The following PRKCB variants were observed in gnomAD, a reference collection of about 807,000 sequenced individuals.
PRKCB encodes the protein protein kinase C beta.
Under a neutral mutation model 81.5 loss-of-function variants are expected in PRKCB, and 13 were observed. That is an observed-to-expected ratio of 0.16 (90% confidence interval 0.10 to 0.25). The LOEUF (loss-of-function observed/expected upper bound fraction) is 0.25, where lower values mean the gene tolerates loss of function less well. Among genes scored for constraint, PRKCB ranks in the 10% least tolerant of loss-of-function variants. The pLI is 1.00. For missense variants in PRKCB, 509 were observed against 875.7 expected, an observed-to-expected ratio of 0.58 and a Z score of 5.29; for synonymous variants, 335 against 321.4, an observed-to-expected ratio of 1.04 and a Z score of -0.45.
intron 2 of PRKCB, among the ~76,000 whole-genome samples, chr16:23,930,582 A>G (rs974514037): frequency 7.2e-5 from 11 of 151,900 alleles, no homozygotes; most frequent in African/African-American, 2.2e-4. Flanking sequence ...AAAAATATGA[A>G]GTTGCTCTTT....
At chr16:24,000,344 T>C (rs1418601743) in intron 3 of PRKCB, among the ~76,000 whole-genome samples, 3 of 152,226 alleles carry the variant, frequency 2.0e-5, no homozygotes, top group Non-Finnish European at 4.4e-5. Context: ...GCCAGTGGAC[T>C]TAACCACCTC....
intron 3 of PRKCB, among the ~76,000 whole-genome samples, chr16:24,013,159 C>T (rs1965227556): frequency 6.6e-6 from 1 of 152,204 alleles, no homozygotes. Flanking sequence ...TTCCTGACCT[C>T]CCTGACCAGG....
rs748558233 is a variant in PRKCB, at chr16:23,930,349, A to T, written c.206-58159A>T. The stretch of plus-strand genomic sequence containing the variant: ...TTTGGGAGGCCAAGGTGGGCAGATC[A>T]CTTGAGCCCAGGAGTTCGAAACCAG... On this transcript the variant is annotated intron_variant, in intron 2 of 16. Transcript: ENST00000643927. Among the ~76,000 whole-genome samples, 5 of 152,054 alleles carry T rather than the reference A, an allele frequency of 3.3e-5. 1 individual carries two copies. The highest frequency in any genetic ancestry group is 7.4e-5 in the Non-Finnish European group (5 of 67,970).
chr16:24,035,533 T>G lies in PRKCB; in HGVS notation c.515T>G (p.Val172Gly). 1 of 1,612,362 alleles carries G rather than the reference T, an allele frequency of 6.2e-7. No homozygotes were observed. Among genetic ancestry groups the G allele is most frequent in the Non-Finnish European group, 8.5e-7 (1 of 1,179,296 alleles). The change falls in exon 5 of 17, where the codon GTC becomes GGC. Residue 172 changes from valine to glycine, a missense_variant. Val to Gly is a moderately radical substitution (Grantham distance 109). This residue lies in a region of PRKCB where 184 missense variants were observed against 362.9 expected (regional missense o/e 0.51). Transcript: ENST00000643927. ...ATCCAGGCCCACATCGACAGGGACG[T>G]CCTCATTGTCCTCGGTAGGTGGCCC... Reference protein sequence around the residue: ...IYIQAHIDRDVLIVLVRDAKN... With the variant: ...IYIQAHIDRDGLIVLVRDAKN...
In PRKCB at chr16:24,180,925, C is replaced by T. The variant is rs367690547; in HGVS notation, c.1530C>T (p.Pro510=). ...GTGGCACTCCAGACTACATCGCCCCCGAGGTGAGAGCTGCTGGGCACACGT... is the reference window on the plus strand; with the variant it reads ...GTGGCACTCCAGACTACATCGCCCCTGAGGTGAGAGCTGCTGGGCACACGT... The part of the protein sequence containing the change: ...TFCGTPDYIA[P]EIIAYQPYGK... The change falls in exon 13 of 17, where the codon CCC becomes CCT. Residue 510 remains proline, a synonymous_variant. Transcript: ENST00000643927. 1.9e-5 allele frequency: 30 copies of T among 1,613,736 alleles called. No homozygotes were observed. Among genetic ancestry groups the T allele is most frequent in the Admixed American group, 5.0e-5 (3 of 59,978 alleles).
At chr16:24,082,349 G>A (rs1259920054) in intron 5 of PRKCB, among the ~76,000 whole-genome samples, 2 of 152,110 alleles carry the variant, frequency 1.3e-5, no homozygotes, top group African/African-American at 2.4e-5. Flanking sequence ...TTGTATGTTT[G>A]GACACAGTGA....
chr16:24,189,596 C>A (rs1465394855), intron 15 of PRKCB, among the ~76,000 whole-genome samples: 2 of 146,656 alleles, frequency 1.4e-5, no homozygotes, highest in Non-Finnish European at 3.0e-5. Context: ...GACCCGAGAT[C>A]GCGCCTCTGC....
rs544188199 is a variant in PRKCB at position 23,893,901 on chromosome 16, A to T, written c.205+56495A>T. 4 of 152,370 alleles carry T rather than the reference A, an allele frequency of 2.6e-5. No individual in the cohort carries two copies. In the South Asian group the frequency reaches 8.3e-4, roughly 32 times the overall value. 9.4% of individuals were successfully genotyped at this position (152,370 alleles called of 1,614,324 possible). On this transcript the variant is annotated intron_variant, in intron 2 of 16. Coordinates refer to ENST00000643927, the MANE Select transcript of PRKCB (RefSeq NM_002738.7). ...TGGAAAGCTATTTCTGAATACTCCTAAGGATAAGTTCATGTATTAGTTAGG... is the reference window on the plus strand; with the variant it reads ...TGGAAAGCTATTTCTGAATACTCCTTAGGATAAGTTCATGTATTAGTTAGG...
At chr16:24,161,308 G>A (rs58106696) in intron 10 of PRKCB, among the ~76,000 whole-genome samples, 4,704 of 152,060 alleles carry the variant, frequency 0.031, 253 homozygotes, top group African/African-American at 0.11. Flanking sequence ...TGCACAGCAC[G>A]GTGTTAACAG....
chr16:24,186,693 G>C lies in PRKCB; in HGVS notation c.1722+1126G>C, dbSNP rs567594315. Among the ~76,000 whole-genome samples the C allele has an allele frequency of 4.6e-3, 700 of 152,348 alleles. 3 individuals carry two copies. The highest frequency in any genetic ancestry group is 0.037 in the Middle Eastern group (11 of 294). ...GATGCACTGTCTTGGGTGAAGGAAA[G>C]CTGGGAAACTCAGGCAGGCCAATCT... On this transcript the variant is annotated intron_variant, in intron 15 of 16. Coordinates refer to ENST00000643927, the MANE Select transcript of PRKCB (RefSeq NM_002738.7).
At chr16:24,036,348 C>G (rs1203259073) in intron 5 of PRKCB, among the ~76,000 whole-genome samples, 6 of 152,030 alleles carry the variant, frequency 3.9e-5, no homozygotes, top group Admixed American at 1.3e-4. Context: ...AGCCATAAGC[C>G]CCGGTATAAC....
intron 5 of PRKCB, among the ~76,000 whole-genome samples, chr16:24,069,539 T>C (rs1014029603): frequency 1.3e-5 from 2 of 151,994 alleles, no homozygotes; most frequent in African/African-American, 4.8e-5. Context: ...GCCCAGGAGT[T>C]TGATTTCAGC....
intron 16 of PRKCB, among the ~76,000 whole-genome samples, chr16:24,211,376 A>G (rs1968135549): frequency 6.6e-6 from 1 of 152,202 alleles, no homozygotes; most frequent in African/African-American, 2.4e-5. Context: ...CGTTGATCAC[A>G]TACTCAGTAC....
intron 11 of PRKCB, among the ~76,000 whole-genome samples, chr16:24,173,295 C>T (rs1967473837): frequency 6.6e-6 from 1 of 152,148 alleles, no homozygotes; most frequent in Admixed American, 6.5e-5. Flanking sequence ...TCATGTCATT[C>T]CCCTGCTTAG....
chr16:24,109,098 G>A (rs1467068526), intron 7 of PRKCB, among the ~76,000 whole-genome samples: 313 of 144,190 alleles, frequency 2.2e-3, no homozygotes, highest in African/African-American at 8.2e-3. Context: ...CTTCCCAGTA[G>A]GGGCGGCCGG....
intron 2 of PRKCB, among the ~76,000 whole-genome samples, chr16:23,875,827 G>A (rs1963005440): frequency 6.7e-6 from 1 of 149,824 alleles, no homozygotes; most frequent in Admixed American, 6.7e-5. Context: ...ATATATGCAT[G>A]ACCCATATTT....
Position 24,158,430 on chromosome 16 carries a change from C to T in PRKCB, c.1239+3573C>T, listed in dbSNP as rs151204604. 5.2e-3 allele frequency among the ~76,000 whole-genome samples: 790 copies of T among 152,104 alleles called. 11 individuals carry two copies. The highest frequency in any genetic ancestry group is 0.018 in the African/African-American group (747 of 41,464). On this transcript the variant is annotated intron_variant, in intron 10 of 16. Transcript: ENST00000643927. ...TGTAGACCAGGGGACTGAGGCCACA[C>T]AGCTAGTACATTTCAGGGCCAGGAT...
intron 13 of PRKCB, among the ~76,000 whole-genome samples, chr16:24,182,902 T>TGTGTGTGTGTGTGTGTGTGTGTTTGTGTG (rs56902454): frequency 6.6e-6 from 1 of 151,448 alleles, no homozygotes; most frequent in East Asian, 1.9e-4. Flanking sequence ...TGTGTGTGTG[T>TGTGTGTGTGTGTGTGTGTGTGTTTGTGTG]TTGAGACAGG....
intron 3 of PRKCB, among the ~76,000 whole-genome samples, chr16:24,015,823 G>T (rs1438095348): frequency 6.6e-6 from 1 of 152,204 alleles, no homozygotes; most frequent in African/African-American, 2.4e-5. Context: ...TGACTAAATG[G>T]TTAAATAAGT....
Sources: allele counts gnomAD v4.1 joint callset (sites outside exome capture counted in the v4.1 genomes callset), GRCh38; gene constraint gnomAD v4.1.1; regional missense constraint gnomAD v4.1.1; transcripts MANE v1.5; gene names NCBI Gene and HGNC (gene_info 2026-07-23, HGNC 2026-07-21).